The following GRID1 variants were observed in gnomAD, a reference collection of about 807,000 sequenced individuals.
GRID1 encodes glutamate receptor ionotropic, delta-1.
GRID1 carries 28 observed loss-of-function variants against 98.0 expected under a neutral mutation model. That is an observed-to-expected ratio of 0.29 (90% confidence interval 0.21 to 0.39). GRID1 has a LOEUF of 0.39. Ranked by LOEUF, GRID1 falls within the 10% of genes least tolerant of loss-of-function variation. The pLI, the probability that GRID1 is intolerant of heterozygous loss-of-function variation, is 1.00. For synonymous variants in GRID1, 553 were observed against 538.5 expected, an observed-to-expected ratio of 1.03 and a Z score of -0.37; for missense variants, 1,111 against 1,340.5, an observed-to-expected ratio of 0.83 and a Z score of 2.67.
chr10:85,964,655 G>A (rs780070211), intron 4 of GRID1, among the ~76,000 whole-genome samples: 5 of 152,186 alleles, frequency 3.3e-5, no homozygotes, highest in Non-Finnish European at 7.3e-5. Flanking sequence ...ATGGATTAAA[G>A]ACTTAAATAT....
At chr10:86,208,354 G>A (rs1424145750) in intron 2 of GRID1, among the ~76,000 whole-genome samples, 5 of 152,012 alleles carry the variant, frequency 3.3e-5, no homozygotes, top group Admixed American at 1.3e-4. Flanking sequence ...TCCTACCCCA[G>A]CTCCAGTCTG....
chr10:85,950,435 G>A (rs1043634373), intron 4 of GRID1, among the ~76,000 whole-genome samples: 1 of 152,154 alleles, frequency 6.6e-6, no homozygotes, highest in Non-Finnish European at 1.5e-5. Flanking sequence ...CAAAGAGACT[G>A]TGAAATGTCC....
chr10:85,857,098 G>A (rs1372170949), intron 6 of GRID1, among the ~76,000 whole-genome samples: 2 of 152,312 alleles, frequency 1.3e-5, no homozygotes, highest in Middle Eastern at 3.4e-3. Flanking sequence ...CAGTGAGGAC[G>A]GTGGTAACAA....
intron 13 of GRID1, among the ~76,000 whole-genome samples, chr10:85,628,894 T>C (rs1028177404): frequency 1.3e-5 from 2 of 152,104 alleles, no homozygotes; most frequent in Admixed American, 1.3e-4. Context: ...AGCAAGGCCA[T>C]CTAGCAGTGG....
At chr10:85,782,662 C>T (rs1357003838) in intron 8 of GRID1, among the ~76,000 whole-genome samples, 1 of 152,224 alleles carries the variant, frequency 6.6e-6, no homozygotes, top group East Asian at 1.9e-4. Flanking sequence ...GAAGGGCATT[C>T]TGGGCTGAGG....
intron 2 of GRID1, among the ~76,000 whole-genome samples, chr10:86,225,183 C>T (rs1846320606): frequency 6.6e-6 from 1 of 152,154 alleles, no homozygotes; most frequent in Non-Finnish European, 1.5e-5. Context: ...TTTCCCAGCC[C>T]CTCCCAGGCC....
intron 4 of GRID1, among the ~76,000 whole-genome samples, chr10:85,979,675 A>C (rs1347132447): frequency 6.6e-6 from 1 of 152,214 alleles, no homozygotes; most frequent in East Asian, 1.9e-4. Flanking sequence ...CTGTCTCCAA[A>C]TAAGATCACA....
chr10:85,960,176 A>T (rs1451765537), intron 4 of GRID1, among the ~76,000 whole-genome samples: 5 of 152,228 alleles, frequency 3.3e-5, no homozygotes, highest in Non-Finnish European at 7.3e-5. Context: ...CTGGGATTAC[A>T]GGTGTGAGCC....
intron 8 of GRID1, among the ~76,000 whole-genome samples, chr10:85,782,731 C>A (rs1047041678): frequency 2.0e-5 from 3 of 152,192 alleles, no homozygotes; most frequent in African/African-American, 7.2e-5. Flanking sequence ...AAAATGAGTG[C>A]AATACTGCCA....
intron 4 of GRID1, among the ~76,000 whole-genome samples, chr10:86,101,569 T>C (rs1441346882): frequency 6.6e-6 from 1 of 152,142 alleles, no homozygotes; most frequent in Non-Finnish European, 1.5e-5. Context: ...GCATATGCTT[T>C]TGAGAATTAT....
At chr10:86,081,579 G>C (rs897496143) in intron 4 of GRID1, among the ~76,000 whole-genome samples, 3 of 152,190 alleles carry the variant, frequency 2.0e-5, no homozygotes, top group African/African-American at 7.2e-5. Context: ...TGTGTTTATA[G>C]CAGCTTTGTC....
rs536932369 is a variant in GRID1, at chr10:85,718,099, G to A, written c.1997+4904C>T. Among the ~76,000 whole-genome samples, 22 of 152,258 alleles carry A rather than the reference G, an allele frequency of 1.4e-4. No individual in the cohort carries two copies. In the South Asian group the frequency reaches 4.1e-3, roughly 29 times the overall value. ...GTGTCTGTGGCTTTTCCAGGCACAC[G>A]GTGCAAGCTGTTAGTGGATTTACCA... On this transcript the variant is annotated intron_variant, in intron 12 of 15. Transcript: ENST00000327946.
chr10:86,181,618 T>C (rs1845656747), intron 3 of GRID1, among the ~76,000 whole-genome samples: 1 of 152,130 alleles, frequency 6.6e-6, no homozygotes, highest in East Asian at 1.9e-4. Context: ...ATAGACACTT[T>C]AGGCATATGG....
At chr10:85,949,179 T>C (rs1167883351) in intron 4 of GRID1, among the ~76,000 whole-genome samples, 1 of 152,182 alleles carries the variant, frequency 6.6e-6, no homozygotes, top group African/African-American at 2.4e-5. Context: ...TATTGGTTTT[T>C]ACATTTTTAT....
At chr10:85,622,578 G>T (rs1842870074) in intron 13 of GRID1, among the ~76,000 whole-genome samples, 1 of 152,172 alleles carries the variant, frequency 6.6e-6, no homozygotes, top group Non-Finnish European at 1.5e-5. Context: ...GGAAGCATGT[G>T]GCTGGATCCT....
intron 12 of GRID1, among the ~76,000 whole-genome samples, chr10:85,655,751 A>C (rs1240664280): frequency 6.6e-6 from 1 of 152,184 alleles, no homozygotes; most frequent in Non-Finnish European, 1.5e-5. Flanking sequence ...GCTTTTCTAG[A>C]GAACTCCCTT....
At chr10:86,357,746 C>T (rs527458967) in intron 2 of GRID1, among the ~76,000 whole-genome samples, 3 of 152,282 alleles carry the variant, frequency 2.0e-5, no homozygotes, top group East Asian at 1.9e-4. Flanking sequence ...GAGTTCAGCA[C>T]GGGCTTGTGG....
chr10:85,649,139 G>C (rs188818154), intron 12 of GRID1, among the ~76,000 whole-genome samples: 2 of 152,274 alleles, frequency 1.3e-5, no homozygotes, highest in Admixed American at 1.3e-4. Context: ...AGAATTTGGA[G>C]GAATGGAGCT....
chr10:85,826,835 A>G (rs1842824650), intron 8 of GRID1, among the ~76,000 whole-genome samples: 1 of 152,114 alleles, frequency 6.6e-6, no homozygotes, highest in Non-Finnish European at 1.5e-5. Context: ...AAGCCTCAAG[A>G]GTTAGAGCAG....
Sources: gnomAD v4.1 joint callset for allele counts (sites outside exome capture counted in the v4.1 genomes callset) on GRCh38, gnomAD v4.1.1 for gene constraint, MANE v1.5 for transcripts, NCBI Gene and HGNC (gene_info 2026-07-23, HGNC 2026-07-21) for gene names.